MCTP2: variants seen among roughly 807,000 people sequenced by gnomAD.
MCTP2 encodes multiple C2 and transmembrane domain-containing protein 2.
Under a neutral mutation model 111.6 loss-of-function variants are expected in MCTP2, and 132 were observed. The ratio of observed to expected loss-of-function variants is 1.18; its 90% CI spans 1.03 to 1.37. The LOEUF is 1.37. MCTP2 is among the 40% of genes most tolerant of loss of function. The pLI is 0.00. For missense variants in MCTP2, 1,183 were observed against 1,067.9 expected, an observed-to-expected ratio of 1.11 and a Z score of -1.50; for synonymous variants, 395 against 387.7, an observed-to-expected ratio of 1.02 and a Z score of -0.22.
rs1567469849 is a variant in MCTP2, at chr15:94,340,944, CT to C, written c.969+24del. 6.9e-7 allele frequency: 1 copy of C among 1,441,980 alleles called. No individual in the cohort carries two copies. The highest frequency in any genetic ancestry group is 9.8e-7 in the Non-Finnish European group (1 of 1,023,986). The allele number at this position is 1,441,980 out of a possible 1,614,324, so 89.3% of individuals were successfully genotyped here. On this transcript the variant is annotated intron_variant, in intron 7 of 22. Transcript: ENST00000357742. The stretch of plus-strand genomic sequence containing the variant: ...AGACACGTAAGTGGGACCTTCTATT[CT>C]TTTGAAACCTCTCATTTTGTCGTTT...
chr15:94,286,193 C>T (rs993376513), intron 1 of MCTP2, among the ~76,000 whole-genome samples: 2 of 151,976 alleles, frequency 1.3e-5, no homozygotes, highest in Non-Finnish European at 1.5e-5. Context: ...TTGTTTTTGC[C>T]GCAAGCATAA....
intron 4 of MCTP2, among the ~76,000 whole-genome samples, chr15:94,336,720 T>C (rs896906376): frequency 6.9e-6 from 1 of 144,572 alleles, no homozygotes; most frequent in African/African-American, 2.6e-5. Context: ...TATATGTATG[T>C]GTATATTTAT....
intron 4 of MCTP2, among the ~76,000 whole-genome samples, chr15:94,317,777 T>C (rs561833892): frequency 1.5e-4 from 23 of 152,354 alleles, no homozygotes; most frequent in African/African-American, 4.6e-4. Flanking sequence ...GTATGAAGTA[T>C]GTCCTTTTTT....
At chr15:94,314,436 T>TA (rs35800874) in intron 3 of MCTP2, 92 bp downstream of exon 3, 144,704 of 616,176 alleles carry the variant, frequency 0.23, 7,425 homozygotes, top group Admixed American at 0.36. Flanking sequence ...CTTTTATTGC[T>TA]AAAAAAAAAA....
chr15:94,430,751 CAAAAATA>C lies in MCTP2; in HGVS notation c.2086-9412_2086-9406del, dbSNP rs1431423934. On this transcript the variant is annotated intron_variant, in intron 17 of 22. Transcript: ENST00000357742. Reference sequence around the variant, plus strand: ...TTGGTGACAGAGTGAGACTACGTCTCAAAAATAAAAAATAAAAAAATAAACAAAACAC... The same window carrying C: ...TTGGTGACAGAGTGAGACTACGTCTCAAAAATAAAAAAATAAACAAAACAC... 3.3e-5 allele frequency among the ~76,000 whole-genome samples: 5 copies of C among 151,454 alleles called. No individual in the cohort carries two copies. The South Asian group carries it at 8.4e-4, about 25-fold the overall frequency.
chr15:94,347,942 T>C (rs1310809820), intron 8 of MCTP2, among the ~76,000 whole-genome samples: 1 of 151,474 alleles, frequency 6.6e-6, no homozygotes, highest in African/African-American at 2.4e-5. Context: ...CCCCCTGCTA[T>C]TATTTGGGTG....
intron 1 of MCTP2, among the ~76,000 whole-genome samples, chr15:94,275,738 C>A (rs2074154916): frequency 1.3e-5 from 2 of 151,166 alleles, no homozygotes; most frequent in South Asian, 2.1e-4. Context: ...TTTCTTAAAT[C>A]AACTTGTAAG....
chr15:94,416,580 A>C (rs919491544), intron 17 of MCTP2, among the ~76,000 whole-genome samples: 20 of 152,156 alleles, frequency 1.3e-4, no homozygotes, highest in African/African-American at 4.3e-4. Context: ...TTAAAAATTC[A>C]AACAAAAATC....
chr15:94,305,484 GAT>G (rs748109556), intron 2 of MCTP2, among the ~76,000 whole-genome samples: 4 of 150,802 alleles, frequency 2.7e-5, no homozygotes, highest in Non-Finnish European at 4.4e-5. Context: ...CACACATGCG[GAT>G]ATATATATAT....
chr15:94,328,274 G>T (rs550897271), intron 4 of MCTP2, among the ~76,000 whole-genome samples: 5 of 151,638 alleles, frequency 3.3e-5, no homozygotes, highest in East Asian at 3.9e-4. Flanking sequence ...GACTACAGGT[G>T]CCCGCCACCA....
At chr15:94,308,015 T>C (rs2075966175) in intron 2 of MCTP2, among the ~76,000 whole-genome samples, 1 of 152,210 alleles carries the variant, frequency 6.6e-6, no homozygotes, top group South Asian at 2.1e-4. Flanking sequence ...TGCTACTTAC[T>C]GAGGGTTTAT....
intron 2 of MCTP2, among the ~76,000 whole-genome samples, chr15:94,309,975 G>T (rs2076053016): frequency 6.6e-6 from 1 of 152,208 alleles, no homozygotes; most frequent in African/African-American, 2.4e-5. Flanking sequence ...TATGTAATTA[G>T]ACAGTTTTGT....
rs2074402485 is a variant in MCTP2, at chr15:94,476,785, G to A, written c.2560G>A (p.Val854Ile). 5 of 1,582,690 alleles carry A rather than the reference G, an allele frequency of 3.2e-6. No homozygotes were observed. Among genetic ancestry groups the A allele is most frequent in the African/African-American group, 1.3e-5 (1 of 74,210 alleles). The change falls in exon 22 of 23, where the codon GTT (valine) becomes ATT (isoleucine). Residue 854 changes from valine (V) to isoleucine (I), a missense_variant. By Grantham distance (29) the Val-to-Ile change is conservative. Transcript: ENST00000357742. ...LDFLSRVPSDVQKVQYAELKL... is the reference protein window; with the variant it reads ...LDFLSRVPSDIQKVQYAELKL... The stretch of plus-strand genomic sequence containing the variant: ...CTTCCTCTCTAGGGTACCGTCTGAT[G>A]TTCAAAAGGTATGTAATGAATGGTT...
At chr15:94,234,962 C>T (rs1202590343) in intron 1 of MCTP2, among the ~76,000 whole-genome samples, 1 of 152,102 alleles carries the variant, frequency 6.6e-6, no homozygotes, top group African/African-American at 2.4e-5. Flanking sequence ...ATTAAAAGCC[C>T]TGGTGGTGGT....
chr15:94,329,630 A>G (rs1414710960), intron 4 of MCTP2, among the ~76,000 whole-genome samples: 3 of 152,194 alleles, frequency 2.0e-5, no homozygotes, highest in Non-Finnish European at 4.4e-5. Context: ...AGAGCCATTC[A>G]TGAGAAATCC....
chr15:94,246,369 A>G (rs145483515), intron 1 of MCTP2, among the ~76,000 whole-genome samples: 34 of 152,292 alleles, frequency 2.2e-4, no homozygotes, highest in African/African-American at 7.7e-4. Flanking sequence ...GAGTCGTCTA[A>G]TAGTACCTAC....
At chr15:94,403,362 C>T (rs112558502) in intron 17 of MCTP2, 122 of 427,870 alleles carry the variant, frequency 2.9e-4, no homozygotes, top group African/African-American at 2.4e-3. Context: ...ACCTCCCCAG[C>T]TCCACTTCCC....
chr15:94,423,852 G>A (rs2082742138), intron 17 of MCTP2, among the ~76,000 whole-genome samples: 1 of 152,190 alleles, frequency 6.6e-6, no homozygotes. Flanking sequence ...ATGTACAAGG[G>A]AGTTTGTAAA....
chr15:94,328,664 T>C (rs546007455), intron 4 of MCTP2, among the ~76,000 whole-genome samples: 86 of 152,324 alleles, frequency 5.6e-4, no homozygotes, highest in Non-Finnish European at 9.7e-4. Context: ...GAGTGTGGCC[T>C]GTCATGGTGA....
Sources: gnomAD v4.1 joint callset for allele counts (sites outside exome capture counted in the v4.1 genomes callset) on GRCh38, gnomAD v4.1.1 for gene constraint, MANE v1.5 for transcripts, NCBI Gene and HGNC (gene_info 2026-07-23, HGNC 2026-07-21) for gene names.